MAPDA: variants seen among roughly 807,000 people sequenced by gnomAD.
MAPDA encodes the protein N6,N6-dimethyl-AMP deaminase.
the MAPDA span, among the ~76,000 whole-genome samples, chr15:43,340,051 G>A: frequency 2.0e-5 from 3 of 152,218 alleles, no homozygotes. Flanking sequence ...TTGAATGTGG[G>A]AATGAGGGGT....
chr15:43,350,379 A>G, the MAPDA span, among the ~76,000 whole-genome samples: 4 of 151,954 alleles, frequency 2.6e-5, no homozygotes, highest in African/African-American at 9.7e-5. Context: ...TGCCCGGCCA[A>G]TAGTAGGAGT....
chr15:43,353,370 G>A, the MAPDA span: 1 of 152,124 alleles, frequency 6.6e-6, no homozygotes, highest in Non-Finnish European at 1.5e-5. Context: ...TTTTTCCCTG[G>A]TATCAGAAGA....
chr15:43,346,992 C>A, the MAPDA span: 1 of 1,597,938 alleles, frequency 6.3e-7, no homozygotes, highest in South Asian at 1.1e-5. Context: ...CTCATGCATC[C>A]TTATTTTAAC....
At chr15:43,339,066 G>A in the MAPDA span, among the ~76,000 whole-genome samples, 1 of 152,218 alleles carries the variant, frequency 6.6e-6, no homozygotes, top group East Asian at 1.9e-4. Context: ...GCAGTGACAA[G>A]ATCCAGATTC....
At chr15:43,332,773 G>A in the MAPDA span, among the ~76,000 whole-genome samples, 3 of 152,036 alleles carry the variant, frequency 2.0e-5, no homozygotes, top group Non-Finnish European at 4.4e-5. Flanking sequence ...GGGAGTAGGT[G>A]GGAGCATGAA....
chr15:43,348,860 G>A, the MAPDA span: 1 of 1,588,172 alleles, frequency 6.3e-7, no homozygotes, highest in Non-Finnish European at 8.6e-7. Context: ...ATACTCTTAA[G>A]AACCACTGAA....
chr15:43,330,456 C>T, the MAPDA span: 4 of 1,530,098 alleles, frequency 2.6e-6, no homozygotes, highest in Non-Finnish European at 2.6e-6. Context: ...TTCTGTACCG[C>T]GCCTGCCCGA....
chr15:43,341,294 G>T, the MAPDA span, among the ~76,000 whole-genome samples: 2 of 152,142 alleles, frequency 1.3e-5, no homozygotes, highest in South Asian at 4.1e-4. Flanking sequence ...GTTCCACGTT[G>T]TACTGGTGAG....
the MAPDA span, chr15:43,342,986 C>A: frequency 5.6e-4 from 874 of 1,556,150 alleles, 7 homozygotes; most frequent in South Asian, 9.8e-3. Context: ...TCTATGTGTC[C>A]TTTCTAGGAA....
the MAPDA span, chr15:43,335,546 A>C: frequency 1.1e-6 from 1 of 881,126 alleles, no homozygotes. Context: ...AAAAAGAAAA[A>C]GTAAATTTTG....
the MAPDA span, chr15:43,330,719 G>T: frequency 2.2e-6 from 1 of 453,392 alleles, no homozygotes; most frequent in Admixed American, 3.9e-5. Flanking sequence ...TTGGAATGTC[G>T]TGAGTTCCAT....
chr15:43,347,384 C>G, the MAPDA span, among the ~76,000 whole-genome samples: 1 of 152,122 alleles, frequency 6.6e-6, no homozygotes, highest in East Asian at 1.9e-4. Flanking sequence ...TTTCCAACAT[C>G]AGTCTTGTCA....
chr15:43,346,597 G>A, the MAPDA span, among the ~76,000 whole-genome samples: 1 of 152,216 alleles, frequency 6.6e-6, no homozygotes, highest in Admixed American at 6.5e-5. Flanking sequence ...CCATGAAATT[G>A]ATTCTTATGG....
the MAPDA span, among the ~76,000 whole-genome samples, chr15:43,337,372 G>A: frequency 9.9e-5 from 15 of 152,262 alleles, no homozygotes; most frequent in South Asian, 3.1e-3. Flanking sequence ...TACTGTATGG[G>A]TGGACATTAT....
the MAPDA span, chr15:43,349,150 C>A: frequency 6.5e-6 from 10 of 1,539,032 alleles, no homozygotes; most frequent in Non-Finnish European, 7.0e-6. Flanking sequence ...GTACGAATGT[C>A]ATCTAGCTAT....
At chr15:43,333,432 A>AG in the MAPDA span, 1 of 151,996 alleles carries the variant, frequency 6.6e-6, no homozygotes, top group Admixed American at 6.6e-5. Context: ...AAAAAAAAAA[A>AG]AGGTATGTTT....
chr15:43,330,703 C>A, the MAPDA span: 2 of 478,790 alleles, frequency 4.2e-6, no homozygotes, highest in African/African-American at 2.0e-5. Context: ...TGCGGCTGAC[C>A]TTTCTTTGGA....
chr15:43,340,327 C>T, the MAPDA span: 80 of 1,613,820 alleles, frequency 5.0e-5, 2 homozygotes, highest in Non-Finnish European at 5.1e-5. Context: ...AACTAAGGAG[C>T]ACACCCAGAA....
At chr15:43,332,143 A>G in the MAPDA span, 1 of 152,228 alleles carries the variant, frequency 6.6e-6, no homozygotes, top group African/African-American at 2.4e-5. Flanking sequence ...GAGGTAGGGC[A>G]GAGAGAAAAA....
Sources: allele counts gnomAD v4.1 joint callset (sites outside exome capture counted in the v4.1 genomes callset), GRCh38; gene constraint gnomAD v4.1.1; transcripts MANE v1.5; gene names NCBI Gene and HGNC (gene_info 2026-07-23, HGNC 2026-07-21).